MAP4K5: variants seen among roughly 807,000 people sequenced by gnomAD.
MAP4K5 encodes the protein mitogen-activated protein kinase kinase kinase kinase 5.
Under a neutral mutation model 135.6 loss-of-function variants are expected in MAP4K5, and 82 were observed. That is an observed-to-expected ratio of 0.60 (90% CI 0.51 to 0.73). MAP4K5 has a LOEUF of 0.73. Ranked by LOEUF, MAP4K5 falls within the 30% of genes least tolerant of loss-of-function variation. The pLI, the probability that MAP4K5 is intolerant of heterozygous loss-of-function variation, is 0.00. For synonymous variants in MAP4K5, 347 were observed against 335.0 expected, an observed-to-expected ratio of 1.04 and a Z score of -0.39; for missense variants, 907 against 1,010.9, an observed-to-expected ratio of 0.90 and a Z score of 1.39.
intron 3 of MAP4K5, among the ~76,000 whole-genome samples, chr14:50,499,656 TA>T (rs112715406): frequency 2.2e-3 from 311 of 139,582 alleles, no homozygotes; most frequent in Non-Finnish European, 2.2e-3. Context: ...AGACCCTGTT[TA>T]AAAAAAAAAA....
rs989027812 is a variant in MAP4K5 at position 50,475,424 on chromosome 14, GA to G, written c.470-276del. The stretch of plus-strand genomic sequence containing the variant: ...CAATGAAGTTAATTTGGGAAAAAGA[GA>G]AAAAAAAAAGCACAAAAAATAAAAC... On this transcript the variant is annotated intron_variant, in intron 8 of 32. Coordinates refer to ENST00000682126, the MANE Select transcript of MAP4K5 (RefSeq NM_006575.6). Among the ~76,000 whole-genome samples the G allele has an allele frequency of 1.1e-3, 162 of 143,576 alleles. 2 individuals are homozygous for G. In the East Asian group the frequency reaches 0.015, roughly 13 times the overall value. 94.2% of individuals were successfully genotyped at this position (143,576 alleles called of 152,430 possible). A position where few individuals can be genotyped will look rare whatever the true frequency, so the allele number is the denominator to read the frequency against.
chr14:50,555,413 C>T (rs562996578), intron 1 of MAP4K5, among the ~76,000 whole-genome samples: 5 of 152,328 alleles, frequency 3.3e-5, no homozygotes, highest in Non-Finnish European at 4.4e-5. Context: ...TCCTGAGTAG[C>T]TGGGACTACA....
At chr14:50,455,792 C>T (rs889444373) in intron 14 of MAP4K5, among the ~76,000 whole-genome samples, 22 of 152,018 alleles carry the variant, frequency 1.4e-4, no homozygotes, top group African/African-American at 5.3e-4. Context: ...TTAATATAAA[C>T]TACTTTAAAT....
At chr14:50,526,844 C>A (rs2038275303) in intron 2 of MAP4K5, among the ~76,000 whole-genome samples, 1 of 152,152 alleles carries the variant, frequency 6.6e-6, no homozygotes. Flanking sequence ...TAAAGGCATA[C>A]ATAAAGGAGA....
At chr14:50,437,440 T>G in intron 26 of MAP4K5, 36 bp downstream of exon 26, 2 of 1,477,982 alleles carry the variant, frequency 1.4e-6, no homozygotes, top group Non-Finnish European at 1.9e-6. Flanking sequence ...TGTTAAAAGT[T>G]CTAACCATTC....
intron 1 of MAP4K5, chr14:50,560,445 T>C: frequency 3.6e-6 from 4 of 1,111,632 alleles, no homozygotes; most frequent in Non-Finnish European, 5.3e-6. Context: ...CGCTCCCTGT[T>C]TGGGCGGAGG....
chr14:50,522,279 T>C (rs1440787935), intron 2 of MAP4K5, among the ~76,000 whole-genome samples: 1 of 152,086 alleles, frequency 6.6e-6, no homozygotes, highest in African/African-American at 2.4e-5. Flanking sequence ...TGCATTGCTA[T>C]ACTTGCACTA....
At chr14:50,531,440 A>C (rs541949954) in intron 2 of MAP4K5, among the ~76,000 whole-genome samples, 1 of 152,372 alleles carries the variant, frequency 6.6e-6, no homozygotes, top group South Asian at 2.1e-4. Context: ...ATATGGGATA[A>C]TGCTTGCATA....
chr14:50,531,972 G>C lies in MAP4K5; in HGVS notation c.78C>G (p.Val26=). Residue 26 remains valine, a synonymous_variant, in exon 2 of 33, where the codon GTC becomes GTG. Transcript: ENST00000682126. Reference sequence around the variant, plus strand: ...AGACGTCCCCGTAGGTGCCGCTGCCGACCCTCTGGACGAGTTCGTAGTCCT... The same window carrying C: ...AGACGTCCCCGTAGGTGCCGCTGCCCACCCTCTGGACGAGTTCGTAGTCCT... ...PQQDYELVQR[V]GSGTYGDVYK... 1 of 1,604,232 alleles carries C rather than the reference G, an allele frequency of 6.2e-7. No homozygotes were observed. Among genetic ancestry groups the C allele is most frequent in the Non-Finnish European group, 8.5e-7 (1 of 1,175,708 alleles).
chr14:50,455,851 G>A (rs144111797), intron 14 of MAP4K5, among the ~76,000 whole-genome samples: 111 of 152,100 alleles, frequency 7.3e-4, no homozygotes, highest in African/African-American at 2.4e-3. Context: ...GAACTAAAAC[G>A]TCTTTACGAA....
intron 2 of MAP4K5, among the ~76,000 whole-genome samples, chr14:50,506,794 G>A (rs2037819230): frequency 6.6e-6 from 1 of 152,192 alleles, no homozygotes; most frequent in South Asian, 2.1e-4. Context: ...CATAGTTATA[G>A]TTACTTCTCT....
intron 14 of MAP4K5, among the ~76,000 whole-genome samples, chr14:50,452,408 T>G (rs189823880): frequency 1.3e-5 from 2 of 152,298 alleles, no homozygotes; most frequent in East Asian, 3.9e-4. Context: ...GAATGACAAG[T>G]GACGGCAGTT....
intron 11 of MAP4K5, among the ~76,000 whole-genome samples, chr14:50,465,657 T>C (rs997287869): frequency 2.0e-5 from 3 of 152,214 alleles, no homozygotes; most frequent in East Asian, 1.9e-4. Context: ...TAAAGGAAGA[T>C]AGAGCAAAAA....
chr14:50,433,523 T>C (rs1210783392), intron 28 of MAP4K5, among the ~76,000 whole-genome samples: 2 of 152,248 alleles, frequency 1.3e-5, no homozygotes, highest in African/African-American at 4.8e-5. Flanking sequence ...CACTGGTTCA[T>C]ACTGATTCTT....
intron 32 of MAP4K5, 84 bp from the exon 33 acceptor site, chr14:50,420,190 C>T: frequency 2.6e-6 from 2 of 762,830 alleles, no homozygotes; most frequent in Non-Finnish European, 4.7e-6. Context: ...GAAAGAATAT[C>T]ATTGTTCACA....
chr14:50,560,579 G>A, intron 1 of MAP4K5: 1 of 501,096 alleles, frequency 2.0e-6, no homozygotes, highest in Non-Finnish European at 3.6e-6. Context: ...CCAGCATTTG[G>A]ACAGCACCCA....
intron 5 of MAP4K5, among the ~76,000 whole-genome samples, chr14:50,484,855 A>G (rs1039288006): frequency 6.6e-6 from 1 of 152,224 alleles, no homozygotes; most frequent in African/African-American, 2.4e-5. Context: ...TAAAGATTTC[A>G]GCATAGAAAC....
At chr14:50,506,085 T>C (rs1292033231) in intron 2 of MAP4K5, among the ~76,000 whole-genome samples, 4 of 152,110 alleles carry the variant, frequency 2.6e-5, no homozygotes, top group African/African-American at 9.7e-5. Context: ...TAGATTTGAA[T>C]ATCAACTTTC....
intron 17 of MAP4K5, 103 bp downstream of exon 17, chr14:50,445,975 TA>T: frequency 1.5e-6 from 1 of 663,844 alleles, no homozygotes; most frequent in Non-Finnish European, 2.4e-6. Flanking sequence ...TCTATTCATC[TA>T]AAATACATTT....
Sources: allele counts gnomAD v4.1 joint callset (sites outside exome capture counted in the v4.1 genomes callset), GRCh38; gene constraint gnomAD v4.1.1; transcripts MANE v1.5; gene names NCBI Gene and HGNC (gene_info 2026-07-23, HGNC 2026-07-21).